Variants in ERC1 observed in about 807,000 individuals in gnomAD.
ERC1 encodes RAB6 interacting protein 2.
Under a neutral mutation model 132.0 loss-of-function variants are expected in ERC1, and 56 were observed. The observed-to-expected ratio is 0.42, with a 90% confidence interval of 0.34 to 0.53. The LOEUF is 0.53. Ranked by LOEUF, ERC1 falls within the 20% of genes least tolerant of loss-of-function variation. The probability of loss-of-function intolerance (pLI) is 0.03; values close to 1 mark genes in which losing one functional copy is unlikely to be tolerated. For synonymous variants in ERC1, 478 were observed against 476.1 expected, an observed-to-expected ratio of 1.00 and a Z score of -0.05; for missense variants, 1,202 against 1,349.9, an observed-to-expected ratio of 0.89 and a Z score of 1.72.
At chr12:1,053,150 T>TTTCAATTCTAAAACGCTTG in intron 2 of ERC1, among the ~76,000 whole-genome samples, 1 of 152,336 alleles carries the variant, frequency 6.6e-6, no homozygotes, top group East Asian at 1.9e-4. Flanking sequence ...AAAATACTAT[T>TTTCAATTCTAAAACGCTTG]TTCAATTCTA....
intron 6 of ERC1, chr12:1,115,539 C>G (rs898827916): frequency 4.0e-6 from 1 of 247,112 alleles, no homozygotes; most frequent in Non-Finnish European, 7.9e-6. Context: ...CAGTGGTGTT[C>G]AGTTGCTTAC....
intron 6 of ERC1, among the ~76,000 whole-genome samples, chr12:1,113,312 G>A (rs1044835820): frequency 5.9e-5 from 9 of 152,114 alleles, no homozygotes; most frequent in South Asian, 2.1e-4. Context: ...ATTTTATAAC[G>A]TGCTGAGTTA....
intron 15 of ERC1, among the ~76,000 whole-genome samples, chr12:1,314,303 G>A (rs1430609042): frequency 6.6e-6 from 1 of 152,100 alleles, no homozygotes; most frequent in East Asian, 1.9e-4. Context: ...ACACGCAGAT[G>A]ACTAATAAAA....
At chr12:1,065,806 G>A (rs1939068167) in intron 2 of ERC1, among the ~76,000 whole-genome samples, 1 of 152,006 alleles carries the variant, frequency 6.6e-6, no homozygotes, top group Non-Finnish European at 1.5e-5. Flanking sequence ...ACGTGCTTTG[G>A]CCGTACAATA....
intron 8 of ERC1, among the ~76,000 whole-genome samples, chr12:1,144,381 G>A (rs1024991329): frequency 3.9e-5 from 6 of 152,082 alleles, no homozygotes; most frequent in Non-Finnish European, 7.4e-5. Context: ...TACCCAATGT[G>A]TAGTCTTTTT....
At chr12:1,437,032 T>C (rs2092969957) in intron 17 of ERC1, among the ~76,000 whole-genome samples, 1 of 151,894 alleles carries the variant, frequency 6.6e-6, no homozygotes, top group Admixed American at 6.6e-5. Flanking sequence ...ACACAATGAG[T>C]GATTTGTGTG....
chr12:1,080,357 T>C (rs901888091), intron 2 of ERC1, among the ~76,000 whole-genome samples: 6 of 152,218 alleles, frequency 3.9e-5, no homozygotes, highest in Non-Finnish European at 7.3e-5. Flanking sequence ...AGATACCTCA[T>C]GTCAATGGAT....
chr12:1,262,938 A>T, intron 13 of ERC1, 96 bp from the exon 14 acceptor site: 1 of 1,260,472 alleles, frequency 7.9e-7, no homozygotes, highest in Non-Finnish European at 1.1e-6. Flanking sequence ...TCTGATGGAA[A>T]GAACATTTAA....
At chr12:1,149,646 A>C (rs993468348) in intron 8 of ERC1, among the ~76,000 whole-genome samples, 1 of 151,880 alleles carries the variant, frequency 6.6e-6, no homozygotes, top group Non-Finnish European at 1.5e-5. Context: ...TGATCTGCCC[A>C]CCTCGGCCTC....
chr12:1,310,209 TTTTTATTTTATTTTA>T (rs71055144), intron 15 of ERC1, among the ~76,000 whole-genome samples: 5,216 of 151,266 alleles, frequency 0.034, 100 homozygotes, highest in Middle Eastern at 0.075. Flanking sequence ...AAACAGTTCT[TTTTTATTTTATTTTA>T]TTTTATTTTA....
At chr12:1,190,403 A>G (rs749184152) in intron 12 of ERC1, among the ~76,000 whole-genome samples, 4 of 152,214 alleles carry the variant, frequency 2.6e-5, no homozygotes, top group African/African-American at 4.8e-5. Flanking sequence ...ATCCTCAAGC[A>G]AAGGAGTTAA....
At chr12:1,164,374 G>A (rs368826378) in intron 8 of ERC1, among the ~76,000 whole-genome samples, 46 of 150,878 alleles carry the variant, frequency 3.0e-4, no homozygotes, top group African/African-American at 8.3e-4. Context: ...ACGGAGTCTC[G>A]CTCTGTTGCC....
chr12:1,287,468 T>G (rs2079112992), intron 14 of ERC1, among the ~76,000 whole-genome samples: 1 of 152,164 alleles, frequency 6.6e-6, no homozygotes, highest in African/African-American at 2.4e-5. Flanking sequence ...AGACTAACAT[T>G]TAAGTCAGCA....
chr12:1,304,997 C>A (rs1029142878), intron 15 of ERC1, among the ~76,000 whole-genome samples: 1 of 151,282 alleles, frequency 6.6e-6, no homozygotes, highest in Non-Finnish European at 1.5e-5. Context: ...ACCGTGTTGG[C>A]CAGGATGGTC....
intron 8 of ERC1, among the ~76,000 whole-genome samples, chr12:1,165,553 G>A (rs905947531): frequency 7.2e-5 from 11 of 152,004 alleles, no homozygotes; most frequent in African/African-American, 1.2e-4. Context: ...TGATCCACCC[G>A]CCTCGGCCTC....
chr12:1,186,993 G>C (rs1955170528), intron 11 of ERC1, among the ~76,000 whole-genome samples: 2 of 152,092 alleles, frequency 1.3e-5, no homozygotes, highest in African/African-American at 4.8e-5. Context: ...ACCACCCCTG[G>C]CTAATTTTTG....
chr12:1,227,327 C>G (rs2074661975), intron 12 of ERC1, among the ~76,000 whole-genome samples: 1 of 152,200 alleles, frequency 6.6e-6, no homozygotes, highest in Non-Finnish European at 1.5e-5. Flanking sequence ...TCCATTCTAA[C>G]TGGTATGAGG....
At chr12:1,229,035 T>C (rs1482774680) in intron 12 of ERC1, among the ~76,000 whole-genome samples, 1 of 152,228 alleles carries the variant, frequency 6.6e-6, no homozygotes, top group African/African-American at 2.4e-5. Flanking sequence ...AAAATGAGTT[T>C]GGAAGTGTTC....
intron 3 of ERC1, 42 bp downstream of exon 3, chr12:1,083,622 T>C (rs1942542064): frequency 1.4e-6 from 2 of 1,444,578 alleles, no homozygotes; most frequent in Non-Finnish European, 1.9e-6. Context: ...GTTGGTTATC[T>C]TTTTTTTCAC....
Sources: allele counts gnomAD v4.1 joint callset (sites outside exome capture counted in the v4.1 genomes callset), GRCh38; gene constraint gnomAD v4.1.1; transcripts MANE v1.5; gene names NCBI Gene and HGNC (gene_info 2026-07-23, HGNC 2026-07-21).